Variants in MACROD2 observed in about 807,000 individuals in gnomAD.
The protein encoded by MACROD2 is mono-ADP ribosylhydrolase 2.
MACROD2 carries 36 observed loss-of-function variants against 70.4 expected under a neutral mutation model. That is an observed-to-expected ratio of 0.51 (90% CI 0.39 to 0.68). The LOEUF (loss-of-function observed/expected upper bound fraction) is 0.68. Ranked by LOEUF, MACROD2 falls within the 30% of genes least tolerant of loss-of-function variation. MACROD2 has a pLI of 0.00. For missense variants in MACROD2, 496 were observed against 538.4 expected (o/e 0.92, Z 0.78); for synonymous variants, 172 against 178.8 (o/e 0.96, Z 0.30).
At position 14,377,868 on chromosome 20, in the gene MACROD2, C is replaced by T. The variant is rs114518114; in HGVS notation, c.272-115611C>T. Among the ~76,000 whole-genome samples the T allele has an allele frequency of 4.9e-3, 747 of 152,228 alleles. 5 individuals carry two copies. Among genetic ancestry groups the T allele is most frequent in the African/African-American group, 0.016 (663 of 41,524 alleles). On this transcript the variant is annotated intron_variant, in intron 3 of 17. Transcript: ENST00000684519. ...ATTGTTAGAGCTTAGTAGTTACCTT[C>T]GAGTCTGTAAACCAACAGCTCTGTG... is the stretch of plus-strand genomic sequence containing the variant.
At position 15,987,126 on chromosome 20, in the gene MACROD2, C is replaced by T; in HGVS notation, c.1121C>T (p.Thr374Ile). 6.2e-7 allele frequency: 1 copy of T among 1,611,690 alleles called. No individual in the cohort carries two copies. Among genetic ancestry groups the T allele is most frequent in the Non-Finnish European group, 8.5e-7 (1 of 1,179,494 alleles). Residue 374 changes from threonine to isoleucine, a missense_variant, in exon 15 of 18, where the codon ACA becomes ATA. By Grantham distance (89) the Thr-to-Ile change is moderately conservative (BLOSUM62 -1). Transcript: ENST00000684519. ...IVEQPEVIPLTEDQEEKEGEK... is the reference protein window; with the variant it reads ...IVEQPEVIPLIEDQEEKEGEK... ...GAGCAACCAGAAGTGATTCCATTAA[C>T]AGAGGACCAAGAAGAAAAAGAAGGT...
intron 3 of MACROD2, among the ~76,000 whole-genome samples, chr20:14,404,040 TTGAA>T (rs2083666073): frequency 6.6e-6 from 1 of 151,908 alleles, no homozygotes; most frequent in Non-Finnish European, 1.5e-5. Flanking sequence ...CTATAATAAA[TTGAA>T]AGTATAATAA....
At chr20:15,575,314 A>C (rs1488463900) in intron 8 of MACROD2, among the ~76,000 whole-genome samples, 1 of 152,220 alleles carries the variant, frequency 6.6e-6, no homozygotes, top group Non-Finnish European at 1.5e-5. Context: ...GTATTATAAC[A>C]TCATTAAAAT....
intron 8 of MACROD2, among the ~76,000 whole-genome samples, chr20:15,581,273 C>T (rs1473465477): frequency 6.6e-6 from 1 of 152,218 alleles, no homozygotes; most frequent in Non-Finnish European, 1.5e-5. Context: ...TTCACTGTCT[C>T]TGTTGATGTG....
intron 5 of MACROD2, among the ~76,000 whole-genome samples, chr20:15,068,589 C>T (rs977884159): frequency 2.6e-4 from 40 of 152,086 alleles, no homozygotes; most frequent in Admixed American, 2.4e-3. Context: ...GAGCCTAGCA[C>T]CTCCTTCCCT....
Position 14,181,412 on chromosome 20 carries a change from A to ATC in MACROD2, c.271+95684_271+95685insTC, listed in dbSNP as rs2081304127. On this transcript the variant is annotated intron_variant, in intron 3 of 17. Coordinates refer to ENST00000684519, the MANE Select transcript of MACROD2 (RefSeq NM_001351661.2). ...TATTATCCTCACAATAGAGTGACGA[A>ATC]AATGATGGGGAACCATCATTTTGCT... Among the ~76,000 whole-genome samples the ATC allele has an allele frequency of 2.6e-5, 4 of 152,044 alleles. No homozygotes were observed. In the South Asian group the frequency reaches 8.3e-4, roughly 32 times the overall value.
At chr20:14,685,660 A>C (rs559786173) in intron 5 of MACROD2, among the ~76,000 whole-genome samples, 55 of 152,310 alleles carry the variant, frequency 3.6e-4, no homozygotes, top group Non-Finnish European at 6.6e-4. Flanking sequence ...TTATCCTGTA[A>C]TCTTCAGGGC....
In MACROD2 at chr20:14,712,480, A is replaced by G. The variant is rs554103237; in HGVS notation, c.418+27521A>G. On this transcript the variant is annotated intron_variant, in intron 5 of 17. Coordinates refer to ENST00000684519, the MANE Select transcript of MACROD2 (RefSeq NM_001351661.2). ...TCTTACAGCTCCTGATACACGTTGA[A>G]TGCCCTGCATACCTATAGTTCTTAA... Among the ~76,000 whole-genome samples the G allele has an allele frequency of 1.7e-3, 265 of 152,262 alleles. 1 individual carries two copies. Among genetic ancestry groups the G allele is most frequent in the African/African-American group, 5.7e-3 (238 of 41,536 alleles).
At chr20:16,001,312 A>G (rs937297407) in intron 15 of MACROD2, among the ~76,000 whole-genome samples, 1 of 152,222 alleles carries the variant, frequency 6.6e-6, no homozygotes, top group African/African-American at 2.4e-5. Context: ...CAATTAGGGA[A>G]CTTGCTGTTT....
At chr20:15,915,099 C>A (rs1210600009) in intron 10 of MACROD2, among the ~76,000 whole-genome samples, 1 of 152,148 alleles carries the variant, frequency 6.6e-6, no homozygotes, top group Non-Finnish European at 1.5e-5. Flanking sequence ...AGTTCTCCTA[C>A]TCCTGTTGTT....
intron 5 of MACROD2, among the ~76,000 whole-genome samples, chr20:15,141,443 G>T (rs2076191873): frequency 6.6e-6 from 1 of 152,288 alleles, no homozygotes; most frequent in South Asian, 2.1e-4. Flanking sequence ...ATGTAGAGAA[G>T]TATCTTTGAA....
intron 3 of MACROD2, among the ~76,000 whole-genome samples, chr20:14,277,468 A>G (rs2082269543): frequency 6.6e-6 from 1 of 152,112 alleles, no homozygotes; most frequent in African/African-American, 2.4e-5. Flanking sequence ...AAGATACACA[A>G]ACTCAGAAAA....
intron 4 of MACROD2, among the ~76,000 whole-genome samples, chr20:14,608,592 T>C (rs182876669): frequency 6.6e-6 from 1 of 152,294 alleles, no homozygotes; most frequent in East Asian, 1.9e-4. Flanking sequence ...TTACTGAGGA[T>C]GTGCCAGGAC....
chr20:14,838,334 T>C (rs2073052516), intron 5 of MACROD2, among the ~76,000 whole-genome samples: 1 of 152,126 alleles, frequency 6.6e-6, no homozygotes, highest in Non-Finnish European at 1.5e-5. Context: ...TATTAAAAAA[T>C]GAGAAAACGT....
intron 10 of MACROD2, among the ~76,000 whole-genome samples, chr20:15,913,256 A>C (rs577615554): frequency 1.3e-5 from 2 of 152,290 alleles, no homozygotes; most frequent in African/African-American, 4.8e-5. Context: ...CTTTTTAAAT[A>C]ACCTGGTTGT....
chr20:15,190,727 G>T (rs1393564756), intron 5 of MACROD2, among the ~76,000 whole-genome samples: 2 of 152,176 alleles, frequency 1.3e-5, no homozygotes, highest in Admixed American at 6.5e-5. Flanking sequence ...GGAGTGAGGG[G>T]AAAGGGTGCA....
chr20:14,954,706 T>TTATAAATG (rs1555855401), intron 5 of MACROD2, among the ~76,000 whole-genome samples: 3 of 27,030 alleles, frequency 1.1e-4, no homozygotes, highest in Non-Finnish European at 1.7e-4. Context: ...TATAAATAAA[T>TTATAAATG]TATAAATATA....
chr20:14,039,483 T>C (rs1237262683), intron 2 of MACROD2, among the ~76,000 whole-genome samples: 1 of 152,154 alleles, frequency 6.6e-6, no homozygotes, highest in African/African-American at 2.4e-5. Flanking sequence ...AAATAAATCC[T>C]TAGTAAAATT....
chr20:14,461,893 G>C (rs1351340061), intron 3 of MACROD2, among the ~76,000 whole-genome samples: 2 of 151,956 alleles, frequency 1.3e-5, no homozygotes, highest in Non-Finnish European at 2.9e-5. Flanking sequence ...ATCATTGTTG[G>C]ACATTTGGGT....
Sources: allele counts gnomAD v4.1 joint callset (sites outside exome capture counted in the v4.1 genomes callset), GRCh38; gene constraint gnomAD v4.1.1; transcripts MANE v1.5; gene names NCBI Gene and HGNC (gene_info 2026-07-23, HGNC 2026-07-21).